The following DLGAP2 variants were observed in gnomAD, a reference collection of about 807,000 sequenced individuals.
The protein encoded by DLGAP2 is DLG associated protein 2.
In DLGAP2, 26 loss-of-function variants were observed where a neutral mutation model predicts 100.3. The observed-to-expected ratio is 0.26, with a 90% CI of 0.19 to 0.36. The LOEUF (loss-of-function observed/expected upper bound fraction) is 0.36, where lower values mean the gene tolerates loss of function less well. DLGAP2 is among the 10% of genes least tolerant of loss of function. The pLI is 1.00. For missense variants in DLGAP2, 1,858 were observed against 1,453.2 expected, an observed-to-expected ratio of 1.28 and a Z score of -4.53; for synonymous variants, 886 against 630.1, an observed-to-expected ratio of 1.41 and a Z score of -6.08.
intron 3 of DLGAP2, among the ~76,000 whole-genome samples, chr8:1,310,602 A>G (rs1232666979): frequency 1.3e-5 from 2 of 152,254 alleles, no homozygotes; most frequent in Admixed American, 1.3e-4. Context: ...GCCAAAAGAC[A>G]GGTCTCAATA....
At chr8:1,455,888 C>G (rs1001178373) in intron 3 of DLGAP2, among the ~76,000 whole-genome samples, 1 of 152,238 alleles carries the variant, frequency 6.6e-6, no homozygotes, top group Non-Finnish European at 1.5e-5. Context: ...TGTTCACTGT[C>G]TCGGCCTCTG....
chr8:1,003,559 A>T (rs989558773), intron 2 of DLGAP2, among the ~76,000 whole-genome samples: 1 of 152,244 alleles, frequency 6.6e-6, no homozygotes, highest in Non-Finnish European at 1.5e-5. Flanking sequence ...AGCAGTGAGC[A>T]TTGGTTGAAG....
intron 8 of DLGAP2, among the ~76,000 whole-genome samples, chr8:1,660,615 T>C (rs1798387554): frequency 6.6e-6 from 1 of 152,252 alleles, no homozygotes; most frequent in African/African-American, 2.4e-5. Context: ...TTCCAATTCT[T>C]TAAACGCTAC....
rs1368541111 is a variant in DLGAP2, at chr8:1,025,767, C to T, written c.73+117801C>T. Among the ~76,000 whole-genome samples the T allele has an allele frequency of 5.9e-5, 9 of 152,272 alleles. No homozygotes were observed. The East Asian group carries it at 7.7e-4, about 13-fold the overall frequency. ...GGGAGGCAGGGAGGGACCAGCCTAA[C>T]GGGGGTTCTGAGAGACACGGTCGCA... On this transcript the variant is annotated intron_variant, in intron 2 of 14. Coordinates refer to ENST00000637795, the MANE Select transcript of DLGAP2 (RefSeq NM_001346810.2).
intron 8 of DLGAP2, among the ~76,000 whole-genome samples, chr8:1,664,275 G>T (rs1345211943): frequency 2.0e-5 from 3 of 152,120 alleles, no homozygotes; most frequent in African/African-American, 4.8e-5. Context: ...CCCTTCCCGT[G>T]GTGGCATGGG....
At chr8:1,277,364 C>A (rs1261023467) in intron 3 of DLGAP2, among the ~76,000 whole-genome samples, 1 of 151,972 alleles carries the variant, frequency 6.6e-6, no homozygotes, top group Non-Finnish European at 1.5e-5. Context: ...TTGGTAGGCT[C>A]TAGACTAAGC....
chr8:1,557,725 G>A (rs982972236), intron 5 of DLGAP2, among the ~76,000 whole-genome samples: 1 of 152,184 alleles, frequency 6.6e-6, no homozygotes, highest in African/African-American at 2.4e-5. Flanking sequence ...TCCTGGGCAC[G>A]CAGACGCCGT....
intron 2 of DLGAP2, chr8:1,003,246 A>T (rs970802580): frequency 6.6e-6 from 1 of 152,218 alleles, no homozygotes; most frequent in Non-Finnish European, 1.5e-5. Flanking sequence ...AGCAAACCGA[A>T]TGCACTGCCC....
At chr8:1,678,719 T>C in intron 12 of DLGAP2, 90 bp downstream of exon 12, 2 of 1,337,438 alleles carry the variant, frequency 1.5e-6, no homozygotes, top group Non-Finnish European at 1.9e-6. Flanking sequence ...GAAAAGTTCC[T>C]CCCTTTGGTA....
chr8:737,896 G>T (rs1820360000), intron 1 of DLGAP2, 71 bp downstream of exon 1: 3 of 367,934 alleles, frequency 8.2e-6, no homozygotes, highest in Non-Finnish European at 1.5e-5. Context: ...GGAGGGCGCG[G>T]TGTGTCGGAC....
intron 2 of DLGAP2, among the ~76,000 whole-genome samples, chr8:1,163,754 G>A (rs1334243827): frequency 1.3e-5 from 2 of 152,224 alleles, no homozygotes; most frequent in African/African-American, 2.4e-5. Flanking sequence ...GCCGCCGCGG[G>A]TGCAGGACTT....
intron 3 of DLGAP2, among the ~76,000 whole-genome samples, chr8:1,268,467 G>A (rs1300686143): frequency 6.6e-6 from 1 of 152,202 alleles, no homozygotes; most frequent in Non-Finnish European, 1.5e-5. Context: ...ATGTGGGATA[G>A]CGTCTGACAG....
At position 1,495,734 on chromosome 8, in the gene DLGAP2, G is replaced by T. The variant is rs146282868; in HGVS notation, c.107-5632G>T. 2.2e-3 allele frequency among the ~76,000 whole-genome samples: 341 copies of T among 152,326 alleles called. 1 individual carries two copies. Among genetic ancestry groups the T allele is most frequent in the African/African-American group, 7.6e-3 (317 of 41,582 alleles). The stretch of plus-strand genomic sequence containing the variant: ...CGTCTCGCAGGCAGCTCCAGCTCGA[G>T]TGGTGGCCGTGCTGGGTCTGTGCCC... On this transcript the variant is annotated intron_variant, in intron 3 of 14. Coordinates refer to ENST00000637795, the MANE Select transcript of DLGAP2 (RefSeq NM_001346810.2).
At chr8:1,303,869 C>T (rs1186421087) in intron 3 of DLGAP2, among the ~76,000 whole-genome samples, 1 of 152,208 alleles carries the variant, frequency 6.6e-6, no homozygotes, top group African/African-American at 2.4e-5. Context: ...TGGCCTGCCT[C>T]TGGCCAGAGC....
At chr8:1,367,103 A>G (rs114638462) in intron 3 of DLGAP2, among the ~76,000 whole-genome samples, 95 of 152,340 alleles carry the variant, frequency 6.2e-4, no homozygotes, top group African/African-American at 2.0e-3. Context: ...TCCAACACAC[A>G]TGCACATGAC....
chr8:945,560 C>T (rs915982071), intron 2 of DLGAP2, among the ~76,000 whole-genome samples: 4 of 152,180 alleles, frequency 2.6e-5, no homozygotes, highest in Non-Finnish European at 4.4e-5. Flanking sequence ...TTTGTCTCTT[C>T]TTACTCAGCC....
chr8:788,569 C>T (rs1183867010), intron 1 of DLGAP2, among the ~76,000 whole-genome samples: 2 of 152,188 alleles, frequency 1.3e-5, no homozygotes, highest in Non-Finnish European at 1.5e-5. Flanking sequence ...TTACAAATAA[C>T]CTACACCTTT....
intron 3 of DLGAP2, among the ~76,000 whole-genome samples, chr8:1,438,777 T>A (rs1285857062): frequency 6.6e-6 from 1 of 152,212 alleles, no homozygotes; most frequent in Non-Finnish European, 1.5e-5. Flanking sequence ...GGCAGCAGGC[T>A]CTAAAGATAT....
At chr8:799,339 G>T (rs1012436317) in intron 1 of DLGAP2, among the ~76,000 whole-genome samples, 2 of 152,114 alleles carry the variant, frequency 1.3e-5, no homozygotes, top group African/African-American at 4.8e-5. Flanking sequence ...GGGCAGAGGA[G>T]GGAGTGTGGC....
Sources: allele counts gnomAD v4.1 joint callset (sites outside exome capture counted in the v4.1 genomes callset), GRCh38; gene constraint gnomAD v4.1.1; transcripts MANE v1.5; gene names NCBI Gene and HGNC (gene_info 2026-07-23, HGNC 2026-07-21).